The following CNBP variants were observed in gnomAD, a reference collection of about 807,000 sequenced individuals.
The protein encoded by CNBP is CCHC-type zinc finger nucleic acid binding protein, also known as cellular nucleic acid-binding protein.
A neutral mutation model predicts 21.2 loss-of-function variants in CNBP; 6 were observed. The ratio of observed to expected loss-of-function variants is 0.28; its 90% confidence interval spans 0.16 to 0.56. The LOEUF (loss-of-function observed/expected upper bound fraction) is 0.56. Ranked by LOEUF, CNBP falls within the 20% of genes least tolerant of loss-of-function variation. The pLI, the probability that CNBP is intolerant of heterozygous loss-of-function variation, is 0.93. For missense variants in CNBP, 112 were observed against 233.1 expected (o/e 0.48, Z 3.38); for synonymous variants, 61 against 74.9 (o/e 0.81, Z 0.96).
At chr3:129,173,377 A>G (rs982601706) in intron 1 of CNBP, among the ~76,000 whole-genome samples, 4 of 152,214 alleles carry the variant, frequency 2.6e-5, no homozygotes, top group Non-Finnish European at 2.9e-5. Flanking sequence ...ACAGATACCA[A>G]GAGATGACTG....
chr3:129,178,894 C>A (rs756081946), intron 1 of CNBP, among the ~76,000 whole-genome samples: 31 of 152,114 alleles, frequency 2.0e-4, no homozygotes, highest in Admixed American at 5.2e-4. Context: ...AGGTGCCCAC[C>A]ACGACGCCTG....
chr3:129,174,722 TC>T (rs1937783329), intron 1 of CNBP, among the ~76,000 whole-genome samples: 1 of 151,532 alleles, frequency 6.6e-6, no homozygotes, highest in East Asian at 1.9e-4. Context: ...TGGCACCACT[TC>T]CTCCCCATCT....
intron 1 of CNBP, among the ~76,000 whole-genome samples, chr3:129,172,697 C>CAGACAG (rs1193797460): frequency 8.0e-5 from 9 of 113,064 alleles, no homozygotes; most frequent in African/African-American, 2.8e-4. Flanking sequence ...GACAGACAGA[C>CAGACAG]ACACACACAC....
At position 129,181,649 on chromosome 3, in the gene CNBP, C is replaced by CAAAAAAAAAAAAAAAAAAAAAA. The variant is rs1367375702; in HGVS notation, c.-15+2126_-15+2127insTTTTTTTTTTTTTTTTTTTTTT. 1.1e-3 allele frequency among the ~76,000 whole-genome samples: 83 copies of CAAAAAAAAAAAAAAAAAAAAAA among 72,184 alleles called. 28 individuals carry two copies. Among genetic ancestry groups the CAAAAAAAAAAAAAAAAAAAAAA allele is most frequent in the African/African-American group, 4.5e-3 (64 of 14,174 alleles). 47.4% of individuals were successfully genotyped at this position (72,184 alleles called of 152,430 possible). Reference sequence around the variant, plus strand: ...TGGGCGACAGAGTGAGACTCCGTCTCAGAAAAAAAAAAAGAAAAACCCCTG... The same window carrying CAAAAAAAAAAAAAAAAAAAAAA: ...TGGGCGACAGAGTGAGACTCCGTCTCAAAAAAAAAAAAAAAAAAAAAAAGAAAAAAAAAAAGAAAAACCCCTG... On this transcript the variant is annotated intron_variant, in intron 1 of 4. Coordinates refer to ENST00000422453, the MANE Select transcript of CNBP (RefSeq NM_003418.5).
In CNBP at chr3:129,171,568, T is replaced by C. The variant is rs147219366; in HGVS notation, c.125-30A>G. ...TTTGAGCAAAAACAAAGAATTCGGC[T>C]AGTCAGACCAGTCTTGATACTAACA... On this transcript the variant is annotated intron_variant, in intron 2 of 4. Coordinates refer to ENST00000422453, the MANE Select transcript of CNBP (RefSeq NM_003418.5). The C allele has an allele frequency of 3.1e-4, 505 of 1,613,984 alleles. No homozygotes were observed. The African/African-American group carries it at 6.0e-3, about 19-fold the overall frequency.
Position 129,171,539 on chromosome 3 carries a change from CT to C in CNBP, c.125-2del. Reference sequence around the variant, plus strand: ...AGAGACGAGGAAACAAACTGGAAACCTGTTTTGAGCAAAAACAAAGAATTCG... The same window carrying C: ...AGAGACGAGGAAACAAACTGGAAACCGTTTTGAGCAAAAACAAAGAATTCG... On this transcript the variant is annotated splice_acceptor_variant, in intron 2 of 4. Transcript: ENST00000422453. LOFTEE classifies it high-confidence loss of function. 1 of 1,613,984 alleles carries C rather than the reference CT, an allele frequency of 6.2e-7. No homozygotes were observed. The highest frequency in any genetic ancestry group is 8.5e-7 in the Non-Finnish European group (1 of 1,179,812).
intron 1 of CNBP, among the ~76,000 whole-genome samples, chr3:129,172,380 GA>G (rs1393546148): frequency 2.0e-5 from 3 of 151,806 alleles, no homozygotes; most frequent in African/African-American, 7.3e-5. Context: ...TCAGGAGTTT[GA>G]GACCAGTCTG....
chr3:129,182,102 C>G (rs1432292667), intron 1 of CNBP, among the ~76,000 whole-genome samples: 3 of 152,172 alleles, frequency 2.0e-5, no homozygotes, highest in African/African-American at 7.2e-5. Flanking sequence ...AAGCTCTACA[C>G]TCCAGTTATA....
At position 129,171,001 on chromosome 3, in the gene CNBP, C is replaced by T. The variant is rs935336059; in HGVS notation, c.416+78G>A. 1.7e-5 allele frequency: 24 copies of T among 1,424,192 alleles called. No homozygotes were observed. In the African/African-American group the frequency reaches 3.0e-4, roughly 18 times the overall value. The allele number at this position is 1,424,192 out of a possible 1,614,324, so 88.2% of individuals were successfully genotyped here. ...CTAAGTTTCACTGAATTTACTAAGG[C>T]CCTTCCATTTATAGCTAATTCATCT... On this transcript the variant is annotated intron_variant, in intron 4 of 4. Coordinates refer to ENST00000422453, the MANE Select transcript of CNBP (RefSeq NM_003418.5).
At chr3:129,181,037 C>A (rs1003817084) in intron 1 of CNBP, among the ~76,000 whole-genome samples, 7 of 151,166 alleles carry the variant, frequency 4.6e-5, no homozygotes, top group Non-Finnish European at 8.8e-5. Context: ...GTCAGGAGAT[C>A]AAGACCAGCC....
intron 1 of CNBP, among the ~76,000 whole-genome samples, chr3:129,172,691 G>GACACAC (rs1167575619): frequency 1.7e-4 from 13 of 74,648 alleles, no homozygotes; most frequent in Non-Finnish European, 2.6e-4. Context: ...CAGACAGACA[G>GACACAC]ACAGACACAC....
chr3:129,183,572 G>T (rs1343010600), intron 1 of CNBP, among the ~76,000 whole-genome samples: 2 of 152,262 alleles, frequency 1.3e-5, no homozygotes, highest in African/African-American at 4.8e-5. Flanking sequence ...ACGAAGAAAG[G>T]ACAGAAGTGT....
intron 1 of CNBP, among the ~76,000 whole-genome samples, chr3:129,174,770 T>C (rs1416348837): frequency 6.6e-6 from 1 of 152,188 alleles, no homozygotes; most frequent in Non-Finnish European, 1.5e-5. Flanking sequence ...CAGATCAGCT[T>C]GAGCTCATTT....
intron 4 of CNBP, 103 bp downstream of exon 4, chr3:129,170,976 C>G: frequency 1.6e-6 from 2 of 1,222,908 alleles, no homozygotes; most frequent in South Asian, 2.9e-5. Flanking sequence ...CTGGTCACAG[C>G]TAAGTTTCAC....
At chr3:129,183,664 G>C (rs1325105519) in intron 1 of CNBP, 112 bp downstream of exon 1, 1 of 152,622 alleles carries the variant, frequency 6.6e-6, no homozygotes, top group Non-Finnish European at 1.5e-5. Flanking sequence ...CAGAGGCGCA[G>C]GCCAAAGTGC....
chr3:129,174,495 G>A (rs1254296946), intron 1 of CNBP, among the ~76,000 whole-genome samples: 2 of 151,102 alleles, frequency 1.3e-5, no homozygotes, highest in South Asian at 2.1e-4. Context: ...GAGAAACCCC[G>A]TCTCTACTAA....
chr3:129,170,795 G>A (rs1188883334), intron 4 of CNBP, among the ~76,000 whole-genome samples: 1 of 152,140 alleles, frequency 6.6e-6, no homozygotes, highest in Non-Finnish European at 1.5e-5. Flanking sequence ...ATATTACAGA[G>A]CTTTCTATGA....
chr3:129,182,075 T>C (rs772604110), intron 1 of CNBP, among the ~76,000 whole-genome samples: 1 of 151,378 alleles, frequency 6.6e-6, no homozygotes, highest in African/African-American at 2.4e-5. Context: ...ATATCTCTTA[T>C]CTTTTTGAAA....
In CNBP at chr3:129,169,830, AAAT is replaced by A. The variant is rs879628098; in HGVS notation, c.*620_*622del. The A allele has an allele frequency of 1.3e-5, 3 of 227,160 alleles. No homozygotes were observed. Among genetic ancestry groups the A allele is most frequent in the Admixed American group, 1.1e-4 (2 of 17,536 alleles). The allele number at this position is 227,160 out of a possible 1,614,324, so 14.1% of individuals were successfully genotyped here. Reference sequence around the variant, plus strand: ...TCTGGGTTTTAGATTTAGTCTTTGAAAATAATGTGTTCTAAACCTTTGCCATCA... The same window carrying A: ...TCTGGGTTTTAGATTTAGTCTTTGAAAATGTGTTCTAAACCTTTGCCATCA... On this transcript the variant is annotated 3_prime_UTR_variant, in exon 5 of 5. Coordinates refer to ENST00000422453, the MANE Select transcript of CNBP (RefSeq NM_003418.5).
Sources: gnomAD v4.1 joint callset for allele counts (sites outside exome capture counted in the v4.1 genomes callset) on GRCh38, gnomAD v4.1.1 for gene constraint, MANE v1.5 for transcripts, NCBI Gene and HGNC (gene_info 2026-07-23, HGNC 2026-07-21) for gene names.